Variants in JADE3 observed in about 807,000 individuals in gnomAD.
JADE3 encodes jade family PHD finger 3, also known as protein Jade-3.
In JADE3, 2 loss-of-function variants were observed where a neutral mutation model predicts 50.1. The ratio of observed to expected loss-of-function variants is 0.04; its 90% confidence interval spans 0.02 to 0.13. JADE3 has a LOEUF of 0.13. Among genes scored for constraint, JADE3 ranks in the 10% least tolerant of loss-of-function variants. The pLI is 1.00. For synonymous variants in JADE3, 218 were observed against 232.9 expected (o/e 0.94, Z 0.58); for missense variants, 475 against 634.4 (o/e 0.75, Z 2.70).
rs1372238964 is a variant in JADE3, at chrX:47,043,060, T to C, written c.972+3995T>C. ...AGGGAGAAGAACAAGAATCTCTGCC[T>C]GTTAATCCAGGGAGTTCTTCCAGAT... On this transcript the variant is annotated intron_variant, in intron 8 of 10. Transcript: ENST00000614628. Among the ~76,000 whole-genome samples the C allele has an allele frequency of 3.6e-5, 4 of 111,875 alleles. No individual in the cohort carries two copies. In the East Asian group the frequency reaches 8.4e-4, roughly 24 times the overall value.
chrX:46,917,398 A>G (rs1446370511), intron 1 of JADE3, among the ~76,000 whole-genome samples: 1 of 111,526 alleles, frequency 9.0e-6, no homozygotes, highest in Admixed American at 9.5e-5. Flanking sequence ...CTAAGTGCTT[A>G]ACTAACAGAG....
intron 1 of JADE3, among the ~76,000 whole-genome samples, chrX:46,966,986 G>C (rs782160522): frequency 1.8e-5 from 2 of 112,274 alleles, no homozygotes; most frequent in Non-Finnish European, 3.8e-5. Context: ...TAGTCAAGCA[G>C]AGCTTAGCTG....
At chrX:47,032,783 ATAT>A (rs1371717540) in intron 6 of JADE3, among the ~76,000 whole-genome samples, 5 of 111,258 alleles carry the variant, frequency 4.5e-5, no homozygotes, top group African/African-American at 1.3e-4. Flanking sequence ...GGGGGGACCG[ATAT>A]TATGGTAACT....
chrX:46,987,330 A>C (rs1927884706), intron 3 of JADE3, among the ~76,000 whole-genome samples: 1 of 112,372 alleles, frequency 8.9e-6, no homozygotes, highest in Non-Finnish European at 1.9e-5. Context: ...GTAGTGTTAC[A>C]TAACATAATA....
At chrX:46,913,330 G>A (rs1926008177) in intron 1 of JADE3, among the ~76,000 whole-genome samples, 1 of 111,092 alleles carries the variant, frequency 9.0e-6, no homozygotes, top group Non-Finnish European at 1.9e-5. Context: ...GGCGGGAGCG[G>A]GAGCGCGGGC....
At chrX:47,055,920 G>T (rs1344612464) in intron 9 of JADE3, among the ~76,000 whole-genome samples, 162 bp from the exon 10 acceptor site, 1 of 112,070 alleles carries the variant, frequency 8.9e-6, no homozygotes, top group Non-Finnish European at 1.9e-5. Context: ...TGACCATGCT[G>T]TGTGAATTCC....
At chrX:46,938,751 T>A (rs1926688337) in intron 1 of JADE3, among the ~76,000 whole-genome samples, 2 of 112,456 alleles carry the variant, frequency 1.8e-5, no homozygotes, top group Admixed American at 1.9e-4. Flanking sequence ...AAGGACATTT[T>A]TGCTGAGTAT....
At chrX:46,962,221 G>A (rs907156780) in intron 1 of JADE3, among the ~76,000 whole-genome samples, 1 of 111,853 alleles carries the variant, frequency 8.9e-6, no homozygotes, top group African/African-American at 3.3e-5. Context: ...CTCCTGCTCT[G>A]ACTGACAAGA....
intron 1 of JADE3, among the ~76,000 whole-genome samples, chrX:46,972,396 G>A (rs782559050): frequency 9.0e-6 from 1 of 110,731 alleles, no homozygotes; most frequent in East Asian, 2.8e-4. Context: ...TGGTTTTGCC[G>A]TGTTGTCCAG....
At chrX:46,927,513 GT>G (rs1926395971) in intron 1 of JADE3, among the ~76,000 whole-genome samples, 1 of 111,954 alleles carries the variant, frequency 8.9e-6, no homozygotes, top group Admixed American at 9.5e-5. Flanking sequence ...AAGTTTGGTG[GT>G]TTGACTTGCC....
chrX:47,002,877 A>G (rs1255989860), intron 4 of JADE3, among the ~76,000 whole-genome samples: 1 of 111,395 alleles, frequency 9.0e-6, no homozygotes. Context: ...CTTGTTCCCA[A>G]TCTTAGGCGG....
chrX:46,950,454 C>G (rs1168101892), intron 1 of JADE3, among the ~76,000 whole-genome samples: 1 of 112,362 alleles, frequency 8.9e-6, no homozygotes, highest in African/African-American at 3.2e-5. Flanking sequence ...TGTGGTGGTA[C>G]AACATATCAA....
chrX:46,986,590 G>A (rs376800308), intron 3 of JADE3, among the ~76,000 whole-genome samples: 12 of 112,236 alleles, frequency 1.1e-4, no homozygotes, highest in African/African-American at 3.6e-4. Flanking sequence ...CAGGTGAGGA[G>A]AGATAGTACA....
chrX:46,983,279 A>C (rs1276654530), intron 1 of JADE3, among the ~76,000 whole-genome samples: 1 of 111,646 alleles, frequency 9.0e-6, no homozygotes, highest in African/African-American at 3.3e-5. Context: ...TCTTTGAGCC[A>C]CAGCTCTGGC....
intron 4 of JADE3, among the ~76,000 whole-genome samples, chrX:47,011,050 C>T (rs782035805): frequency 3.9e-4 from 43 of 111,119 alleles, no homozygotes; most frequent in Non-Finnish European, 2.3e-4. Context: ...CAGACTAAGG[C>T]CCCATCCTTA....
chrX:46,914,749 C>T (rs1281588210), intron 1 of JADE3, among the ~76,000 whole-genome samples: 2 of 112,162 alleles, frequency 1.8e-5, no homozygotes, highest in African/African-American at 6.5e-5. Flanking sequence ...TTCACACTTT[C>T]TCTCTCCCCT....
intron 3 of JADE3, among the ~76,000 whole-genome samples, chrX:46,993,395 A>T (rs566445397): frequency 2.7e-5 from 3 of 112,335 alleles, no homozygotes; most frequent in African/African-American, 9.7e-5. Flanking sequence ...CTGAGCTACA[A>T]GTGCATACTT....
At chrX:46,933,253 G>T (rs1214586588) in intron 1 of JADE3, among the ~76,000 whole-genome samples, 1 of 111,379 alleles carries the variant, frequency 9.0e-6, no homozygotes, top group African/African-American at 3.3e-5. Context: ...TCACTGATTT[G>T]CGGTTGTCCA....
chrX:46,967,798 T>A (rs781818864), intron 1 of JADE3, among the ~76,000 whole-genome samples: 1 of 112,220 alleles, frequency 8.9e-6, no homozygotes, highest in South Asian at 3.7e-4. Flanking sequence ...CTGATTAGCC[T>A]TTTATTTCTT....
Sources: allele counts gnomAD v4.1 joint callset (sites outside exome capture counted in the v4.1 genomes callset), GRCh38; gene constraint gnomAD v4.1.1; transcripts MANE v1.5; gene names NCBI Gene and HGNC (gene_info 2026-07-23, HGNC 2026-07-21).